Variants in USPL1 observed in about 807,000 individuals in gnomAD.
USPL1 encodes the protein SUMO-specific isopeptidase USPL1.
A neutral mutation model predicts 51.5 loss-of-function variants in USPL1; 27 were observed. The ratio of observed to expected loss-of-function variants is 0.52; its 90% CI spans 0.39 to 0.72. The LOEUF (loss-of-function observed/expected upper bound fraction) is 0.72. Among genes scored for constraint, USPL1 ranks in the 30% least tolerant of loss-of-function variants. The pLI is 0.00. For synonymous variants in USPL1, 451 were observed against 459.6 expected, an observed-to-expected ratio of 0.98 and a Z score of 0.24; for missense variants, 1,226 against 1,268.0, an observed-to-expected ratio of 0.97 and a Z score of 0.50.
At chr13:30,629,500 A>G (rs1950770733) in intron 3 of USPL1, among the ~76,000 whole-genome samples, 1 of 152,204 alleles carries the variant, frequency 6.6e-6, no homozygotes, top group African/African-American at 2.4e-5. Flanking sequence ...AAAAAATTTT[A>G]ATGGCTCCAT....
rs116604561 is a variant in USPL1 at position 30,628,785 on chromosome 13, A to G, written c.229-2050A>G. Among the ~76,000 whole-genome samples, 1,469 of 152,066 alleles carry G rather than the reference A, an allele frequency of 9.7e-3. 30 individuals carry two copies. Among genetic ancestry groups the G allele is most frequent in the African/African-American group, 0.034 (1,400 of 41,438 alleles). ...TATGCCACATTTTCTTTATCCATTC[A>G]CCTATCTGCAGATGTTTGAGTTGCT... On this transcript the variant is annotated intron_variant, in intron 3 of 8. Transcript: ENST00000255304.
chr13:30,648,658 A>G (rs1479758351), intron 7 of USPL1, among the ~76,000 whole-genome samples: 1 of 152,002 alleles, frequency 6.6e-6, no homozygotes, highest in Non-Finnish European at 1.5e-5. Flanking sequence ...TCCTCTAAAT[A>G]TTTGACTTCT....
chr13:30,660,193 G>A lies in USPL1; in HGVS notation c.*837G>A, dbSNP rs1365974074. The A allele has an allele frequency of 6.6e-6, 1 of 152,320 alleles. No individual in the cohort carries two copies. Among genetic ancestry groups the A allele is most frequent in the African/African-American group, 2.4e-5 (1 of 41,452 alleles). 9.4% of individuals were successfully genotyped at this position (152,320 alleles called of 1,614,324 possible). On this transcript the variant is annotated 3_prime_UTR_variant, in exon 9 of 9. Coordinates refer to ENST00000255304, the MANE Select transcript of USPL1 (RefSeq NM_005800.5). ...CTGGGGCATTTTACGGGCCTCGGGG[G>A]AGGAAGTGCATACTTACTGGCCTGG...
At chr13:30,641,359 A>G (rs1950944993) in intron 5 of USPL1, among the ~76,000 whole-genome samples, 1 of 151,468 alleles carries the variant, frequency 6.6e-6, no homozygotes, top group African/African-American at 2.4e-5. Flanking sequence ...GGACCATGGA[A>G]GTGAGGCTCT....
intron 6 of USPL1, among the ~76,000 whole-genome samples, chr13:30,646,530 G>C (rs1330938222): frequency 6.6e-6 from 1 of 152,306 alleles, no homozygotes; most frequent in South Asian, 2.1e-4. Flanking sequence ...TTCACTAAGG[G>C]CTATTTTTTC....
rs569055532 is a variant in USPL1 at position 30,659,051 on chromosome 13, G to A, written c.2974G>A (p.Asp992Asn). 4.3e-6 allele frequency: 7 copies of A among 1,614,158 alleles called. No homozygotes were observed. In the South Asian group the frequency reaches 6.6e-5, roughly 15 times the overall value. The change falls in exon 9 of 9, where the codon GAC (aspartate) becomes AAC (asparagine). Residue 992 changes from aspartate to asparagine, a missense_variant. By Grantham distance (23) the Asp-to-Asn change is conservative (BLOSUM62 1). Coordinates refer to ENST00000255304, the MANE Select transcript of USPL1 (RefSeq NM_005800.5). ...STELSENGEG[D>N]FRYLGMGDSH... is the part of the protein sequence containing the mutation. ...AGAGCTGTCAGAAAATGGGGAAGGT[G>A]ACTTTAGGTATTTGGGAATGGGAGA...
At chr13:30,631,502 A>T (rs757684862) in intron 4 of USPL1, 28 bp downstream of exon 4, 11 of 1,561,002 alleles carry the variant, frequency 7.0e-6, no homozygotes, top group Non-Finnish European at 8.7e-6. Context: ...ATTTTTATTT[A>T]CTTATTTATT....
intron 3 of USPL1, among the ~76,000 whole-genome samples, chr13:30,626,228 C>T (rs781548624): frequency 8.6e-5 from 13 of 151,992 alleles, no homozygotes; most frequent in African/African-American, 1.2e-4. Flanking sequence ...GCAGGAGAGT[C>T]GCTTGAAGCC....
intron 6 of USPL1, among the ~76,000 whole-genome samples, chr13:30,643,383 G>T (rs1161569899): frequency 6.6e-6 from 1 of 152,112 alleles, no homozygotes; most frequent in Non-Finnish European, 1.5e-5. Context: ...AGACACTTCT[G>T]GTCCCATACA....
chr13:30,626,609 A>G (rs1421678121), intron 3 of USPL1, among the ~76,000 whole-genome samples: 2 of 152,154 alleles, frequency 1.3e-5, no homozygotes, highest in African/African-American at 2.4e-5. Flanking sequence ...ATTTCCAAAG[A>G]GTTCCGTTAT....
chr13:30,649,315 A>G (rs1951057654), intron 7 of USPL1, among the ~76,000 whole-genome samples: 1 of 152,026 alleles, frequency 6.6e-6, no homozygotes, highest in South Asian at 2.1e-4. Flanking sequence ...GTATAACTTG[A>G]TTTGTTTGTG....
chr13:30,625,085 G>A (rs1353393571), intron 3 of USPL1, among the ~76,000 whole-genome samples: 1 of 152,170 alleles, frequency 6.6e-6, no homozygotes, highest in African/African-American at 2.4e-5. Flanking sequence ...AGGAAAAAAA[G>A]CTTTTTTCCC....
chr13:30,635,333 T>C (rs574328748), intron 4 of USPL1, among the ~76,000 whole-genome samples: 1 of 152,206 alleles, frequency 6.6e-6, no homozygotes, highest in Non-Finnish European at 1.5e-5. Context: ...CATATTGATG[T>C]GTGGTATGAG....
In USPL1 at chr13:30,657,681, C is replaced by T; in HGVS notation, c.1604C>T (p.Ser535Phe). The T allele has an allele frequency of 6.2e-7, 1 of 1,614,130 alleles. No homozygotes were observed. The highest frequency in any genetic ancestry group is 8.5e-7 in the Non-Finnish European group (1 of 1,179,996). ...NEKPVSLTSC[S>F]VGDAASAETA... ...AAACCAGTATCTTTAACATCGTGTT[C>T]TGTGGGTGATGCTGCCTCAGCTGAA... The change falls in exon 9 of 9, where the codon TCT becomes TTT. Residue 535 changes from serine (S) to phenylalanine (F), a missense_variant. By Grantham distance (155) the Ser-to-Phe change is radical (BLOSUM62 -2). Coordinates refer to ENST00000255304, the MANE Select transcript of USPL1 (RefSeq NM_005800.5).
chr13:30,644,066 C>T (rs569010079), intron 6 of USPL1, among the ~76,000 whole-genome samples: 74 of 151,710 alleles, frequency 4.9e-4, no homozygotes, highest in Middle Eastern at 3.4e-3. Context: ...GGGTGGATCA[C>T]GAGGTCAGGA....
In USPL1 at chr13:30,658,108, A is replaced by G. The variant is rs573253452; in HGVS notation, c.2031A>G (p.Lys677=). ...QLNTEDTVNT[K]SVNNTDATGL... ...ATACAGAAGATACTGTAAATACTAAATCTGTGAATAATACTGATGCTACTG... is the reference window on the plus strand; with the variant it reads ...ATACAGAAGATACTGTAAATACTAAGTCTGTGAATAATACTGATGCTACTG... Residue 677 remains lysine (K), a synonymous_variant, in exon 9 of 9, where the codon AAA becomes AAG. Transcript: ENST00000255304. 34 of 1,613,574 alleles carry G rather than the reference A, an allele frequency of 2.1e-5. No homozygotes were observed. In the African/African-American group the frequency reaches 4.4e-4, roughly 21 times the overall value.
At position 30,658,142 on chromosome 13, in the gene USPL1, C is replaced by T. The variant is rs370365193; in HGVS notation, c.2065C>T (p.Gln689Ter). The T allele has an allele frequency of 6.2e-7, 1 of 1,613,494 alleles. No individual in the cohort carries two copies. The highest frequency in any genetic ancestry group is 1.3e-5 in the African/African-American group (1 of 74,884). The change falls in exon 9 of 9, where the codon CAG (glutamine) becomes TAG (stop). Residue 689 changes from glutamine to a stop codon, truncating the protein, a stop_gained. Transcript: ENST00000255304. LOFTEE classifies it low-confidence loss of function (END_TRUNC). ...TAATACTGATGCTACTGGTCTTATA[C>T]AGGGAGTGAAGTCAGTAGAAATTGA... ...VNNTDATGLI[Q>*]GVKSVEIEKD...
intron 8 of USPL1, among the ~76,000 whole-genome samples, chr13:30,655,184 G>A (rs576521830): frequency 2.0e-5 from 3 of 152,242 alleles, no homozygotes; most frequent in South Asian, 2.1e-4. Context: ...TGACCCACCC[G>A]CCTCGGCCTC....
At chr13:30,631,597 C>T in intron 4 of USPL1, 123 bp downstream of exon 4, 1 of 956,448 alleles carries the variant, frequency 1.0e-6, no homozygotes, top group Non-Finnish European at 1.5e-6. Flanking sequence ...ACTTCCCTGG[C>T]TCAGGTGGGC....
Sources: gnomAD v4.1 joint callset for allele counts (sites outside exome capture counted in the v4.1 genomes callset) on GRCh38, gnomAD v4.1.1 for gene constraint, MANE v1.5 for transcripts, NCBI Gene and HGNC (gene_info 2026-07-23, HGNC 2026-07-21) for gene names.